Variants in CCDC14 observed in about 807,000 individuals in gnomAD.
The protein encoded by CCDC14 is coiled-coil domain-containing protein 14.
CCDC14 carries 71 observed loss-of-function variants against 81.4 expected under a neutral mutation model. That is an observed-to-expected ratio of 0.87 (90% CI 0.72 to 1.06). CCDC14 has a LOEUF of 1.06. Among genes scored for constraint, CCDC14 ranks in the 50% least tolerant of loss-of-function variants. The probability of loss-of-function intolerance (pLI) is 0.00; values close to 1 mark genes in which losing one functional copy is unlikely to be tolerated. For synonymous variants in CCDC14, 332 were observed against 364.8 expected, an observed-to-expected ratio of 0.91 and a Z score of 1.03; for missense variants, 1,046 against 1,047.3, an observed-to-expected ratio of 1.00 and a Z score of 0.02.
intron 8 of CCDC14, among the ~76,000 whole-genome samples, chr3:123,945,533 A>G (rs1160576109): frequency 6.6e-6 from 1 of 152,126 alleles, no homozygotes; most frequent in African/African-American, 2.4e-5. Flanking sequence ...TTGATGTGAC[A>G]TCAAAAGTTT....
chr3:123,890,139 C>T, the CCDC14 span, among the ~76,000 whole-genome samples: 2 of 152,104 alleles, frequency 1.3e-5, no homozygotes, highest in African/African-American at 4.8e-5. Context: ...ATCATGAGAA[C>T]AGCACAGGAA....
At chr3:123,900,156 A>G (rs1379393868) in intron 5 of CCDC14, among the ~76,000 whole-genome samples, 1 of 152,226 alleles carries the variant, frequency 6.6e-6, no homozygotes, top group African/African-American at 2.4e-5. Flanking sequence ...TATCTGTGGA[A>G]ATAAAAAGCT....
At chr3:123,938,461 C>T (rs1448161367) in intron 9 of CCDC14, among the ~76,000 whole-genome samples, 1 of 151,864 alleles carries the variant, frequency 6.6e-6, no homozygotes, top group Non-Finnish European at 1.5e-5. Context: ...ATCCTGCAAC[C>T]TTGCTAAGCT....
At position 123,915,260 on chromosome 3, in the gene CCDC14, G is replaced by C. The variant is rs141054502; in HGVS notation, c.2237C>G (p.Ser746Cys). ...TTGTGGCTGAGGGGATAGTCTCTTA[G>C]AAAGTGGTGATTTCTTTTCAGGAGT... is the stretch of plus-strand genomic sequence containing the variant. ...RSTPEKKSPL[S>C]KRLSPQPQIR... Residue 746 changes from serine (S) to cysteine (C), a missense_variant, in exon 13 of 13, where the codon TCT becomes TGT. By Grantham distance (112) the Ser-to-Cys change is moderately radical. Transcript: ENST00000409697. The C allele has an allele frequency of 2.1e-4, 346 of 1,613,784 alleles. No individual in the cohort carries two copies. Among genetic ancestry groups the C allele is most frequent in the Non-Finnish European group, 2.6e-4 (310 of 1,179,892 alleles).
At chr3:123,945,837 A>G (rs1442277256) in intron 8 of CCDC14, among the ~76,000 whole-genome samples, 1 of 152,092 alleles carries the variant, frequency 6.6e-6, no homozygotes, top group African/African-American at 2.4e-5. Context: ...ACCAATCTTT[A>G]TTTATTTATT....
chr3:123,917,065 G>A (rs1166533552), intron 12 of CCDC14, among the ~76,000 whole-genome samples: 3 of 151,528 alleles, frequency 2.0e-5, no homozygotes, highest in African/African-American at 7.3e-5. Flanking sequence ...GGATGGTCTC[G>A]ATCTCCTGAC....
chr3:123,949,578 C>G (rs2036888889), intron 5 of CCDC14: 1 of 152,176 alleles, frequency 6.6e-6, no homozygotes, highest in Non-Finnish European at 1.4e-5. Context: ...ACCAACCAAA[C>G]AAACAAAATC....
intron 5 of CCDC14, chr3:123,953,344 C>G (rs142574156): frequency 6.6e-6 from 1 of 152,252 alleles, no homozygotes; most frequent in African/African-American, 2.4e-5. Flanking sequence ...TGCTTACTAC[C>G]AAAGTGACGG....
chr3:123,908,465 T>C (rs1423984814), downstream of CCDC14, among the ~76,000 whole-genome samples: 2 of 152,192 alleles, frequency 1.3e-5, no homozygotes, highest in East Asian at 3.8e-4. Context: ...ACCTGACTCT[T>C]GATCCACTGC....
In CCDC14 at chr3:123,940,517, C is replaced by CA. The variant is rs551428832; in HGVS notation, c.1343+4331dup. On this transcript the variant is annotated intron_variant, in intron 9 of 12. Coordinates refer to ENST00000409697, the MANE Select transcript of CCDC14 (RefSeq NM_001366335.1). ...GTTGTCTGTTTATTTTAATGCTATGCAAAATCTCTCCTATAAATTGTTTTC... is the reference window on the plus strand; with the variant it reads ...GTTGTCTGTTTATTTTAATGCTATGCAAAAATCTCTCCTATAAATTGTTTTC... Among the ~76,000 whole-genome samples, 6 of 152,030 alleles carry CA rather than the reference C, an allele frequency of 3.9e-5. No individual in the cohort carries two copies. The South Asian group carries it at 8.3e-4, about 21-fold the overall frequency.
chr3:123,933,301 T>C (rs1331101643), intron 10 of CCDC14, among the ~76,000 whole-genome samples: 1 of 152,204 alleles, frequency 6.6e-6, no homozygotes, highest in African/African-American at 2.4e-5. Flanking sequence ...TGTATTTTGA[T>C]AGACAAAAGT....
chr3:123,953,664 G>C lies in CCDC14; in HGVS notation c.352+2179C>G, dbSNP rs563801945. 2.0e-5 allele frequency: 3 copies of C among 152,272 alleles called. No individual in the cohort carries two copies. The South Asian group carries it at 6.2e-4, about 32-fold the overall frequency. The allele number at this position is 152,272 out of a possible 1,614,324, so 9.4% of individuals were successfully genotyped here. A position where few individuals can be genotyped will look rare whatever the true frequency, so the allele number is the denominator to read the frequency against. On this transcript the variant is annotated intron_variant, in intron 5 of 12. Transcript: ENST00000409697. The stretch of plus-strand genomic sequence containing the variant: ...TCCAATGGGAGTCTTGGCATATCAA[G>C]GAAAGGAAGAAGCATGAAGTCAGGA...
At chr3:123,907,544 C>CA (rs774323711) in intron 5 of CCDC14, among the ~76,000 whole-genome samples, 2,403 of 124,540 alleles carry the variant, frequency 0.019, 40 homozygotes, top group African/African-American at 0.051. Flanking sequence ...CCTGTCTCCA[C>CA]ACAAAAAAAA....
rs570459238 is a variant in CCDC14 at position 123,936,474 on chromosome 3, C to T, written c.1344-2719G>A. ...TTTCTGCCATATGATGTAGTAAAAC[C>T]ACCATCACAATTAAGATATCCATCA... On this transcript the variant is annotated intron_variant, in intron 9 of 12. Coordinates refer to ENST00000409697, the MANE Select transcript of CCDC14 (RefSeq NM_001366335.1). Among the ~76,000 whole-genome samples, 3 of 151,684 alleles carry T rather than the reference C, an allele frequency of 2.0e-5. No individual in the cohort carries two copies. The South Asian group carries it at 6.3e-4, about 32-fold the overall frequency.
the CCDC14 span, among the ~76,000 whole-genome samples, chr3:123,888,625 G>A: frequency 8.5e-3 from 1,292 of 152,286 alleles, 12 homozygotes; most frequent in African/African-American, 0.028. Context: ...GGAGCCTCAG[G>A]AAACTTACAA....
chr3:123,955,969 T>G lies in CCDC14; in HGVS notation c.230-4A>C. On this transcript the variant is annotated splice_region_variant and splice_polypyrimidine_tract_variant and intron_variant, in intron 4 of 12. Transcript: ENST00000409697. Reference sequence around the variant, plus strand: ...TCTAAATATGCTGTTTCTGAACCTATTAATAAAACAAAAATTTGTTACATC... The same window carrying G: ...TCTAAATATGCTGTTTCTGAACCTAGTAATAAAACAAAAATTTGTTACATC... 6.5e-7 allele frequency: 1 copy of G among 1,527,916 alleles called. No homozygotes were observed. The highest frequency in any genetic ancestry group is 8.8e-7 in the Non-Finnish European group (1 of 1,137,304). The allele number at this position is 1,527,916 out of a possible 1,614,324, so 94.6% of individuals were successfully genotyped here.
chr3:123,944,622 C>T (rs1007473157), intron 9 of CCDC14, among the ~76,000 whole-genome samples: 1 of 152,024 alleles, frequency 6.6e-6, no homozygotes, highest in African/African-American at 2.4e-5. Context: ...CTACACACTA[C>T]CAAGTGACAA....
rs1455965354 is a variant in CCDC14 at position 123,947,149 on chromosome 3, A to G, written c.855T>C (p.Asn285=). 1 of 1,613,854 alleles carries G rather than the reference A, an allele frequency of 6.2e-7. No homozygotes were observed. The highest frequency in any genetic ancestry group is 1.3e-5 in the African/African-American group (1 of 74,920). The change falls in exon 8 of 13, where the codon AAT becomes AAC. Residue 285 remains asparagine (N), a synonymous_variant. Coordinates refer to ENST00000409697, the MANE Select transcript of CCDC14 (RefSeq NM_001366335.1). The part of the protein sequence containing the change: ...IPTLQQLGLV[N]GILPQQGIHK... ...GAATTCCTTGTTGTGGCAGAATTCCATTAACAAGGCCCAGTTGCTGCAATG... is the reference window on the plus strand; with the variant it reads ...GAATTCCTTGTTGTGGCAGAATTCCGTTAACAAGGCCCAGTTGCTGCAATG...
downstream of CCDC14, among the ~76,000 whole-genome samples, chr3:123,910,776 C>A (rs1357440668): frequency 6.6e-6 from 1 of 152,022 alleles, no homozygotes; most frequent in Non-Finnish European, 1.5e-5. Context: ...GAACTTAACA[C>A]CAACAGAAAA....
Sources: allele counts gnomAD v4.1 joint callset (sites outside exome capture counted in the v4.1 genomes callset), GRCh38; gene constraint gnomAD v4.1.1; transcripts MANE v1.5; gene names NCBI Gene and HGNC (gene_info 2026-07-23, HGNC 2026-07-21).